UNC13C: variants seen among roughly 807,000 people sequenced by gnomAD.
UNC13C encodes the protein unc-13 homolog C, also known as protein unc-13 homolog C.
In UNC13C, 174 loss-of-function variants were observed where a neutral mutation model predicts 245.4. The observed-to-expected ratio is 0.71, with a 90% CI of 0.63 to 0.80. The LOEUF (loss-of-function observed/expected upper bound fraction) is 0.80, where lower values mean the gene tolerates loss of function less well. UNC13C is among the 30% of genes least tolerant of loss of function. The pLI is 0.00. For missense variants in UNC13C, 2,829 were observed against 2,602.9 expected (o/e 1.09, Z -1.89); for synonymous variants, 992 against 895.1 (o/e 1.11, Z -1.93).
At chr15:54,487,078 A>G (rs1567319940) in intron 19 of UNC13C, among the ~76,000 whole-genome samples, 1 of 152,196 alleles carries the variant, frequency 6.6e-6, no homozygotes, top group Admixed American at 6.5e-5. Flanking sequence ...TCTATGAGGA[A>G]TGTCCAACCA....
intron 2 of UNC13C, among the ~76,000 whole-genome samples, chr15:54,036,056 C>G (rs1896567508): frequency 6.6e-6 from 1 of 152,192 alleles, no homozygotes; most frequent in African/African-American, 2.4e-5. Flanking sequence ...TGAGAGGTTT[C>G]TCTAAAGAGA....
chr15:54,504,528 A>G lies in UNC13C; in HGVS notation c.5302-2589A>G, dbSNP rs371073462. ...ACTCACTTCTCATTCTGGTGTGATC[A>G]GAATTAAGTTAGAAATTTGGAGAAT... On this transcript the variant is annotated intron_variant, in intron 22 of 32. Transcript: ENST00000260323. Among the ~76,000 whole-genome samples the G allele has an allele frequency of 1.9e-4, 29 of 152,348 alleles. No homozygotes were observed. The South Asian group carries it at 6.0e-3, about 32-fold the overall frequency.
At chr15:54,002,111 A>G (rs1399790356) in intron 1 of UNC13C, among the ~76,000 whole-genome samples, 1 of 152,084 alleles carries the variant, frequency 6.6e-6, no homozygotes, top group Non-Finnish European at 1.5e-5. Flanking sequence ...ACGGTGAAAC[A>G]CCGCCTCTAC....
At chr15:54,401,748 C>G (rs759492124) in intron 18 of UNC13C, among the ~76,000 whole-genome samples, 3 of 152,090 alleles carry the variant, frequency 2.0e-5, no homozygotes, top group African/African-American at 4.8e-5. Context: ...GTTCAACGCA[C>G]TCTTCAGCGC....
At chr15:54,235,242 C>T in intron 5 of UNC13C, 134 bp downstream of exon 5, 3 of 613,298 alleles carry the variant, frequency 4.9e-6, no homozygotes, top group Non-Finnish European at 5.6e-6. Context: ...CAGATGCTAC[C>T]TGCTGTTATA....
Position 54,332,305 on chromosome 15 carries a change from C to CTGTGTGTGTGTG in UNC13C, c.4494+216_4494+227dup, listed in dbSNP as rs34179914. Reference sequence around the variant, plus strand: ...GCCCCACGTAGACTACAACAATACTCTGTGTGTGTGTGTGTGTGTGTGTGT... The same window carrying CTGTGTGTGTGTG: ...GCCCCACGTAGACTACAACAATACTCTGTGTGTGTGTGTGTGTGTGTGTGTGTGTGTGTGTGT... On this transcript the variant is annotated intron_variant, in intron 15 of 32. Transcript: ENST00000260323. 5.4e-3 allele frequency among the ~76,000 whole-genome samples: 782 copies of CTGTGTGTGTGTG among 145,664 alleles called. 5 individuals carry two copies. Among genetic ancestry groups the CTGTGTGTGTGTG allele is most frequent in the African/African-American group, 0.016 (645 of 39,160 alleles).
At chr15:54,102,141 A>T (rs937566905) in intron 2 of UNC13C, among the ~76,000 whole-genome samples, 1 of 151,158 alleles carries the variant, frequency 6.6e-6, no homozygotes, top group Non-Finnish European at 1.5e-5. Flanking sequence ...ACTCACACAG[A>T]TTAGGCAAAT....
At chr15:54,341,450 T>C (rs1349615046) in intron 17 of UNC13C, among the ~76,000 whole-genome samples, 4 of 152,064 alleles carry the variant, frequency 2.6e-5, no homozygotes, top group Non-Finnish European at 5.9e-5. Flanking sequence ...GGAGAGGGCT[T>C]AAAAACTCAC....
chr15:53,917,452 A>G, the UNC13C span, among the ~76,000 whole-genome samples: 2 of 152,234 alleles, frequency 1.3e-5, no homozygotes, highest in African/African-American at 4.8e-5. Context: ...AGGAACTCCT[A>G]AAAGTGAGTA....
chr15:54,552,325 AATT>A (rs1174802131), intron 28 of UNC13C, among the ~76,000 whole-genome samples: 16 of 121,412 alleles, frequency 1.3e-4, no homozygotes, highest in African/African-American at 4.6e-4. Flanking sequence ...TGTAATATAT[AATT>A]ATATATTATA....
chr15:53,943,103 G>A, the UNC13C span, among the ~76,000 whole-genome samples: 3 of 152,142 alleles, frequency 2.0e-5, no homozygotes, highest in Non-Finnish European at 2.9e-5. Flanking sequence ...ATTTGATATA[G>A]ATATTAGAGA....
chr15:54,279,424 G>A (rs1452387620), intron 10 of UNC13C, among the ~76,000 whole-genome samples: 2 of 152,168 alleles, frequency 1.3e-5, no homozygotes, highest in African/African-American at 4.8e-5. Context: ...CTGTTGTATT[G>A]CTCATGTTTG....
At chr15:54,281,135 A>G (rs1163642833) in intron 10 of UNC13C, among the ~76,000 whole-genome samples, 7 of 152,200 alleles carry the variant, frequency 4.6e-5, no homozygotes, top group Non-Finnish European at 7.3e-5. Context: ...AACTATCCAT[A>G]TACTTATACA....
At chr15:54,372,409 A>G (rs1204034685) in intron 17 of UNC13C, among the ~76,000 whole-genome samples, 2 of 152,098 alleles carry the variant, frequency 1.3e-5, no homozygotes, top group Non-Finnish European at 2.9e-5. Flanking sequence ...AATATTTATG[A>G]TTTATAAAAA....
chr15:54,021,352 C>A (rs1044023727), intron 2 of UNC13C, among the ~76,000 whole-genome samples: 2 of 152,272 alleles, frequency 1.3e-5, no homozygotes, highest in East Asian at 1.9e-4. Context: ...CACTCTCTAC[C>A]CCAACCCTTA....
intron 2 of UNC13C, among the ~76,000 whole-genome samples, chr15:54,019,292 T>C (rs554532798): frequency 5.8e-4 from 88 of 152,336 alleles, no homozygotes; most frequent in African/African-American, 2.0e-3. Context: ...ATTCAAGTTT[T>C]AAGTTGGAAA....
chr15:54,114,035 C>A (rs565894640), intron 2 of UNC13C, among the ~76,000 whole-genome samples: 2 of 152,232 alleles, frequency 1.3e-5, no homozygotes, highest in African/African-American at 4.8e-5. Context: ...CCTGAACATA[C>A]AGCTCTGCCT....
chr15:54,538,472 C>A (rs1896094655), intron 26 of UNC13C, among the ~76,000 whole-genome samples: 2 of 152,130 alleles, frequency 1.3e-5, no homozygotes, highest in East Asian at 1.9e-4. Context: ...AACCTCCATT[C>A]AACCCAGCAA....
At chr15:54,080,021 T>TA (rs1555412386) in intron 2 of UNC13C, among the ~76,000 whole-genome samples, 2 of 149,084 alleles carry the variant, frequency 1.3e-5, no homozygotes, top group Admixed American at 1.3e-4. Flanking sequence ...TTTTTTTTTT[T>TA]ATCATAAAGT....
Sources: allele counts gnomAD v4.1 joint callset (sites outside exome capture counted in the v4.1 genomes callset), GRCh38; gene constraint gnomAD v4.1.1; transcripts MANE v1.5; gene names NCBI Gene and HGNC (gene_info 2026-07-23, HGNC 2026-07-21).